The following NFASC variants were observed in gnomAD, a reference collection of about 807,000 sequenced individuals.
NFASC encodes neurofascin.
A neutral mutation model predicts 147.5 loss-of-function variants in NFASC; 43 were observed. That is an observed-to-expected ratio of 0.29 (90% confidence interval 0.23 to 0.38). NFASC has a LOEUF of 0.38. Among genes scored for constraint, NFASC ranks in the 10% least tolerant of loss-of-function variants. NFASC has a pLI of 1.00. For missense variants in NFASC, 1,320 were observed against 1,689.0 expected (o/e 0.78, Z 3.83); for synonymous variants, 622 against 665.5 (o/e 0.93, Z 1.01).
At chr1:204,874,182 C>T (rs1314392645) in intron 1 of NFASC, among the ~76,000 whole-genome samples, 5 of 152,166 alleles carry the variant, frequency 3.3e-5, no homozygotes, top group South Asian at 2.1e-4. Context: ...AATCTTCCTG[C>T]GCTGGGGGAC....
intron 22 of NFASC, among the ~76,000 whole-genome samples, 185 bp from the exon 23 acceptor site, chr1:204,988,448 A>G (rs114019958): frequency 0.014 from 2,151 of 152,344 alleles, 50 homozygotes; most frequent in African/African-American, 0.049. Context: ...GGTGTAATCA[A>G]AGAGCCCGGA....
intron 1 of NFASC, among the ~76,000 whole-genome samples, chr1:204,833,603 G>T (rs1672864564): frequency 6.6e-6 from 1 of 152,218 alleles, no homozygotes; most frequent in Non-Finnish European, 1.5e-5. Context: ...ATAGAAATGT[G>T]GTTCCTGCTT....
chr1:204,879,787 G>T (rs2079779190), intron 1 of NFASC, among the ~76,000 whole-genome samples: 1 of 152,214 alleles, frequency 6.6e-6, no homozygotes, highest in Non-Finnish European at 1.5e-5. Context: ...GGGTTTGTTT[G>T]TTCTGCTTTT....
At chr1:204,897,831 G>A (rs902755172) in intron 1 of NFASC, among the ~76,000 whole-genome samples, 19 of 152,112 alleles carry the variant, frequency 1.2e-4, no homozygotes, top group African/African-American at 4.6e-4. Flanking sequence ...TGTCTCCTGG[G>A]TTCAAGTGAT....
chr1:204,959,938 C>A (rs940826264), intron 8 of NFASC, among the ~76,000 whole-genome samples: 3 of 152,232 alleles, frequency 2.0e-5, no homozygotes, highest in African/African-American at 7.2e-5. Flanking sequence ...TGGCGAGAGA[C>A]CCCCTAGGTG....
At chr1:204,913,174 A>C (rs905068183) in intron 1 of NFASC, among the ~76,000 whole-genome samples, 1 of 152,248 alleles carries the variant, frequency 6.6e-6, no homozygotes, top group Non-Finnish European at 1.5e-5. Context: ...CTGTACAACA[A>C]AATTTTAAAA....
intron 1 of NFASC, among the ~76,000 whole-genome samples, chr1:204,836,380 G>A (rs1673804527): frequency 6.6e-6 from 1 of 152,186 alleles, no homozygotes; most frequent in African/African-American, 2.4e-5. Flanking sequence ...AGGTATTATA[G>A]CTATCTATCA....
intron 4 of NFASC, among the ~76,000 whole-genome samples, chr1:204,951,531 C>T (rs1301561173): frequency 2.0e-5 from 3 of 147,230 alleles, no homozygotes; most frequent in African/African-American, 7.6e-5. Context: ...TGCGGTGGTG[C>T]GATCTCGGCT....
intron 1 of NFASC, among the ~76,000 whole-genome samples, chr1:204,855,898 A>G (rs1205935574): frequency 6.6e-6 from 1 of 152,194 alleles, no homozygotes; most frequent in African/African-American, 2.4e-5. Flanking sequence ...TTCAGGGAGG[A>G]GAAGCACAAG....
chr1:204,970,344 T>TTA (rs2095189714), intron 10 of NFASC, among the ~76,000 whole-genome samples: 1 of 152,048 alleles, frequency 6.6e-6, no homozygotes, highest in African/African-American at 2.4e-5. Context: ...TCCCTTTTTT[T>TTA]AAAAAAAGCT....
At chr1:204,840,820 G>A (rs1037848343) in intron 1 of NFASC, among the ~76,000 whole-genome samples, 1 of 152,206 alleles carries the variant, frequency 6.6e-6, no homozygotes, top group Non-Finnish European at 1.5e-5. Flanking sequence ...GTGGTGGGGA[G>A]GGCAGAGACT....
At chr1:204,859,642 C>G (rs1243610603) in intron 1 of NFASC, among the ~76,000 whole-genome samples, 1 of 152,194 alleles carries the variant, frequency 6.6e-6, no homozygotes, top group African/African-American at 2.4e-5. Context: ...GGTCTTGGGT[C>G]CCGCAGCTGC....
chr1:204,910,352 CAT>C (rs1287978471), intron 1 of NFASC, among the ~76,000 whole-genome samples: 4 of 151,940 alleles, frequency 2.6e-5, no homozygotes, highest in Non-Finnish European at 5.9e-5. Flanking sequence ...TTTCTGTTTC[CAT>C]ATGTTTATTA....
chr1:204,970,591 T>A, intron 10 of NFASC, 25 bp from the exon 11 acceptor site: 1 of 1,613,200 alleles, frequency 6.2e-7, no homozygotes, highest in Non-Finnish European at 8.5e-7. Context: ...CTAACTCCCC[T>A]GCCTGTGTCT....
chr1:204,952,664 T>G (rs767093495), intron 5 of NFASC, among the ~76,000 whole-genome samples: 7 of 152,220 alleles, frequency 4.6e-5, no homozygotes, highest in Non-Finnish European at 1.0e-4. Flanking sequence ...GGTCCAAGGT[T>G]ACCCAGCTTG....
intron 1 of NFASC, among the ~76,000 whole-genome samples, chr1:204,910,578 A>G (rs1044238943): frequency 6.6e-6 from 1 of 152,060 alleles, no homozygotes; most frequent in African/African-American, 2.4e-5. Flanking sequence ...CAGACTCCTG[A>G]GTAGCTAGAA....
At chr1:204,895,226 A>G (rs2083168804) in intron 1 of NFASC, among the ~76,000 whole-genome samples, 1 of 152,032 alleles carries the variant, frequency 6.6e-6, no homozygotes, top group Non-Finnish European at 1.5e-5. Flanking sequence ...CCACAACCCA[A>G]TATCATATGA....
In NFASC at chr1:204,958,320, A is replaced by G. The variant is rs149412650; in HGVS notation, c.706+494A>G. ...AGAAAATATGAAAATTAGTGGAGACACCAAAATAAATTTTATTTGATTCTG... is the reference window on the plus strand; with the variant it reads ...AGAAAATATGAAAATTAGTGGAGACGCCAAAATAAATTTTATTTGATTCTG... On this transcript the variant is annotated intron_variant, in intron 8 of 29. Coordinates refer to ENST00000339876, the MANE Select transcript of NFASC (RefSeq NM_001005388.3). Among the ~76,000 whole-genome samples, 31 of 152,364 alleles carry G rather than the reference A, an allele frequency of 2.0e-4. No individual in the cohort carries two copies. In the East Asian group the frequency reaches 6.0e-3, roughly 29 times the overall value.
At chr1:204,934,257 T>A (rs907557349) in intron 2 of NFASC, among the ~76,000 whole-genome samples, 2 of 151,794 alleles carry the variant, frequency 1.3e-5, no homozygotes, top group East Asian at 3.9e-4. Context: ...CAAGGGCAGA[T>A]CCATGCAGAA....
Sources: allele counts gnomAD v4.1 joint callset (sites outside exome capture counted in the v4.1 genomes callset), GRCh38; gene constraint gnomAD v4.1.1; transcripts MANE v1.5; gene names NCBI Gene and HGNC (gene_info 2026-07-23, HGNC 2026-07-21).